The following GRIK1 variants were observed in gnomAD, a reference collection of about 807,000 sequenced individuals.
GRIK1 encodes the protein glutamate ionotropic receptor kainate type subunit 1, also known as glutamate receptor ionotropic, kainate 1.
Under a neutral mutation model 105.7 loss-of-function variants are expected in GRIK1, and 69 were observed. The ratio of observed to expected loss-of-function variants is 0.65; its 90% CI spans 0.54 to 0.80. The LOEUF (loss-of-function observed/expected upper bound fraction) is 0.80, where lower values mean the gene tolerates loss of function less well. GRIK1 is among the 30% of genes least tolerant of loss of function. GRIK1 has a pLI of 0.00. For missense variants in GRIK1, 1,109 were observed against 1,167.3 expected (o/e 0.95, Z 0.73); for synonymous variants, 438 against 431.3 (o/e 1.02, Z -0.19).
chr21:29,587,961 A>ATTTTT (rs1555842114), intron 11 of GRIK1, among the ~76,000 whole-genome samples: 3 of 81,832 alleles, frequency 3.7e-5, no homozygotes, highest in African/African-American at 1.1e-4. Flanking sequence ...AAACTTTAAA[A>ATTTTT]TTCTTTTTTT....
intron 1 of GRIK1, among the ~76,000 whole-genome samples, chr21:29,857,168 A>G (rs2068488472): frequency 1.3e-5 from 2 of 152,008 alleles, no homozygotes; most frequent in African/African-American, 2.4e-5. Flanking sequence ...TGAGCATCAA[A>G]GTAACGTGGA....
In GRIK1 at chr21:29,867,997, GAGAA is replaced by G. The variant is rs772522158; in HGVS notation, c.118+71382_118+71385del. On this transcript the variant is annotated intron_variant, in intron 1 of 17. Coordinates refer to ENST00000327783, the MANE Select transcript of GRIK1 (RefSeq NM_001330994.2). ...AAGAGAGAAAAAGAGGAGAGAAGGA[GAGAA>G]AGAAAGAAAGAAAAGACAGAAAGAA... Among the ~76,000 whole-genome samples the G allele has an allele frequency of 2.1e-4, 29 of 138,622 alleles. 1 individual carries two copies. The highest frequency in any genetic ancestry group is 4.9e-4 in the East Asian group (2 of 4,064). 90.9% of individuals were successfully genotyped at this position (138,622 alleles called of 152,430 possible). A position where few individuals can be genotyped will look rare whatever the true frequency, so the allele number is the denominator to read the frequency against.
At chr21:29,909,140 AT>A (rs1234033199) in intron 1 of GRIK1, among the ~76,000 whole-genome samples, 4 of 152,114 alleles carry the variant, frequency 2.6e-5, no homozygotes, top group Non-Finnish European at 5.9e-5. Context: ...TTAGAAAAAA[AT>A]ATTTGTACTC....
At chr21:29,597,186 C>T (rs1489609687) in intron 8 of GRIK1, among the ~76,000 whole-genome samples, 1 of 152,160 alleles carries the variant, frequency 6.6e-6, no homozygotes, top group East Asian at 1.9e-4. Context: ...CCCTCATTGC[C>T]TTAAGGCCCA....
rs2062731168 is a variant in GRIK1 at position 29,651,278 on chromosome 21, A to G, written c.794T>C (p.Leu265Ser). Residue 265 changes from leucine to serine, a missense_variant, in exon 6 of 18, where the codon TTG (leucine) becomes TCG (serine). Physicochemically the swap from Leu to Ser is moderately radical, Grantham distance 145. Transcript: ENST00000327783. ...ACTGTACCTATAGAGTTCCAGATCC[A>G]AAGCAAATAAGTCCTGCATAGTATC... ...YFFTTLDLFA[L>S]DLELYRYSGV... 2 of 1,610,872 alleles carry G rather than the reference A, an allele frequency of 1.2e-6. No homozygotes were observed. Among genetic ancestry groups the G allele is most frequent in the Non-Finnish European group, 1.7e-6 (2 of 1,177,824 alleles).
intron 1 of GRIK1, among the ~76,000 whole-genome samples, chr21:29,725,654 C>G (rs2064438850): frequency 6.6e-6 from 1 of 152,124 alleles, no homozygotes; most frequent in Non-Finnish European, 1.5e-5. Context: ...TTTAAACGTC[C>G]ATAAAACCAT....
chr21:29,629,333 G>A (rs1568909215), intron 7 of GRIK1, among the ~76,000 whole-genome samples: 1 of 151,810 alleles, frequency 6.6e-6, no homozygotes, highest in African/African-American at 2.4e-5. Context: ...GGCATTCTTA[G>A]CAGAGGAAAA....
intron 1 of GRIK1, among the ~76,000 whole-genome samples, chr21:29,821,510 T>A (rs1424767718): frequency 6.6e-6 from 1 of 152,038 alleles, no homozygotes; most frequent in Non-Finnish European, 1.5e-5. Flanking sequence ...ATGAGAACCA[T>A]GAGAGGTCAC....
intron 4 of GRIK1, among the ~76,000 whole-genome samples, chr21:29,671,475 G>A (rs1197629210): frequency 6.7e-6 from 1 of 149,522 alleles, no homozygotes; most frequent in Non-Finnish European, 1.5e-5. Context: ...TTTGACTGCT[G>A]ATGTTCAGTG....
At chr21:29,645,309 C>A (rs941230693) in intron 6 of GRIK1, among the ~76,000 whole-genome samples, 5 of 152,144 alleles carry the variant, frequency 3.3e-5, no homozygotes, top group Admixed American at 6.5e-5. Context: ...ATGACCATAG[C>A]CACATGCTAC....
chr21:29,690,440 G>A (rs757818006), intron 2 of GRIK1, among the ~76,000 whole-genome samples: 54 of 152,232 alleles, frequency 3.5e-4, no homozygotes, highest in Non-Finnish European at 6.8e-4. Flanking sequence ...TAACTACAAA[G>A]TGCTTTAGCT....
At chr21:29,744,683 A>G (rs952121889) in intron 1 of GRIK1, among the ~76,000 whole-genome samples, 5 of 150,716 alleles carry the variant, frequency 3.3e-5, no homozygotes, top group African/African-American at 1.2e-4. Context: ...TTTGGTCTAT[A>G]TTTTTCAAGA....
chr21:29,631,552 A>G (rs2062272321), intron 7 of GRIK1, among the ~76,000 whole-genome samples: 1 of 152,200 alleles, frequency 6.6e-6, no homozygotes, highest in Non-Finnish European at 1.5e-5. Flanking sequence ...CACCCAGTCT[A>G]AAGGATTTTG....
At chr21:29,628,601 G>C (rs1047791279) in intron 7 of GRIK1, among the ~76,000 whole-genome samples, 1 of 152,088 alleles carries the variant, frequency 6.6e-6, no homozygotes, top group African/African-American at 2.4e-5. Context: ...GTTTGGCTCT[G>C]GTTCATGTGG....
intron 1 of GRIK1, among the ~76,000 whole-genome samples, chr21:29,779,167 A>C (rs535510520): frequency 3.9e-5 from 6 of 152,342 alleles, no homozygotes; most frequent in Admixed American, 3.9e-4. Context: ...TACTTTTACA[A>C]AGGTGACATA....
chr21:29,631,759 G>C (rs1376393866), intron 7 of GRIK1, among the ~76,000 whole-genome samples: 1 of 152,086 alleles, frequency 6.6e-6, no homozygotes, highest in Non-Finnish European at 1.5e-5. Context: ...CTAATATTTT[G>C]GATATACTGG....
chr21:29,726,470 A>G (rs143421962), intron 1 of GRIK1, among the ~76,000 whole-genome samples: 133 of 152,350 alleles, frequency 8.7e-4, no homozygotes, highest in African/African-American at 3.1e-3. Flanking sequence ...TATTACGCTT[A>G]TGTGAATAAT....
At chr21:29,695,137 A>G (rs766078536) in intron 1 of GRIK1, among the ~76,000 whole-genome samples, 4 of 152,180 alleles carry the variant, frequency 2.6e-5, no homozygotes, top group Non-Finnish European at 5.9e-5. Flanking sequence ...TAACAGTACA[A>G]AATGTTAGTG....
At chr21:29,637,253 C>T (rs960346726) in intron 7 of GRIK1, among the ~76,000 whole-genome samples, 1 of 152,206 alleles carries the variant, frequency 6.6e-6, no homozygotes, top group Non-Finnish European at 1.5e-5. Flanking sequence ...TTCTTCCCAG[C>T]ACCCCTGATT....
Sources: gnomAD v4.1 joint callset for allele counts (sites outside exome capture counted in the v4.1 genomes callset) on GRCh38, gnomAD v4.1.1 for gene constraint, MANE v1.5 for transcripts, NCBI Gene and HGNC (gene_info 2026-07-23, HGNC 2026-07-21) for gene names.